ATXN2: variants seen among roughly 807,000 people sequenced by gnomAD.
ATXN2 encodes ataxin-2.
A neutral mutation model predicts 138.6 loss-of-function variants in ATXN2; 37 were observed. The observed-to-expected ratio is 0.27, with a 90% confidence interval of 0.21 to 0.35. The LOEUF is 0.35. Ranked by LOEUF, ATXN2 falls within the 10% of genes least tolerant of loss-of-function variation. ATXN2 has a pLI of 1.00. For missense variants in ATXN2, 1,216 were observed against 1,480.3 expected (o/e 0.82, Z 2.93); for synonymous variants, 549 against 543.7 (o/e 1.01, Z -0.13).
intron 1 of ATXN2, among the ~76,000 whole-genome samples, chr12:111,558,210 A>G (rs1203440496): frequency 6.6e-6 from 1 of 152,222 alleles, no homozygotes; most frequent in African/African-American, 2.4e-5. Flanking sequence ...ATATCGAAGC[A>G]GTATTCTCTG....
intron 18 of ATXN2, among the ~76,000 whole-genome samples, chr12:111,480,895 G>C (rs1315998034): frequency 6.6e-6 from 1 of 152,138 alleles, no homozygotes; most frequent in African/African-American, 2.4e-5. Context: ...CCTTGAGTTA[G>C]GCAATGCTTT....
intron 14 of ATXN2, among the ~76,000 whole-genome samples, chr12:111,490,221 A>C (rs1176815324): frequency 6.6e-6 from 1 of 152,034 alleles, no homozygotes; most frequent in Non-Finnish European, 1.5e-5. Flanking sequence ...TTAAAAAAAA[A>C]AAAAAAAAAG....
At chr12:111,497,265 C>CTGAT (rs1878478868) in intron 14 of ATXN2, among the ~76,000 whole-genome samples, 1 of 152,158 alleles carries the variant, frequency 6.6e-6, no homozygotes, top group African/African-American at 2.4e-5. Flanking sequence ...AGCCATGGAC[C>CTGAT]TGATGGCTTC....
chr12:111,594,994 A>AT (rs1282725015), intron 1 of ATXN2, among the ~76,000 whole-genome samples: 2 of 152,208 alleles, frequency 1.3e-5, no homozygotes, highest in African/African-American at 4.8e-5. Context: ...TTAAACTCAA[A>AT]TATCAATAAT....
At chr12:111,567,416 C>T (rs917451948) in intron 1 of ATXN2, among the ~76,000 whole-genome samples, 1 of 151,964 alleles carries the variant, frequency 6.6e-6, no homozygotes, top group African/African-American at 2.4e-5. Flanking sequence ...AGGAGAATCA[C>T]TTGAACCCGG....
At chr12:111,472,542 C>T (rs1401124146) in intron 18 of ATXN2, among the ~76,000 whole-genome samples, 2 of 152,078 alleles carry the variant, frequency 1.3e-5, no homozygotes, top group Non-Finnish European at 2.9e-5. Flanking sequence ...AAAAAATGTA[C>T]AAAACCTTAA....
At chr12:111,500,227 A>G (rs754757300) in intron 14 of ATXN2, among the ~76,000 whole-genome samples, 1 of 152,246 alleles carries the variant, frequency 6.6e-6, no homozygotes, top group Non-Finnish European at 1.5e-5. Flanking sequence ...CCACTGACAG[A>G]CAAATGGAGA....
chr12:111,464,581 A>G, intron 21 of ATXN2, 81 bp downstream of exon 21: 1 of 1,059,280 alleles, frequency 9.4e-7, no homozygotes, highest in Non-Finnish European at 1.4e-6. Flanking sequence ...ATATTGTTCA[A>G]CAAGTCTACT....
intron 14 of ATXN2, among the ~76,000 whole-genome samples, chr12:111,505,494 C>T (rs1476991964): frequency 2.0e-5 from 3 of 152,056 alleles, no homozygotes; most frequent in Non-Finnish European, 4.4e-5. Context: ...CTCCCACAAC[C>T]CAATAATAAA....
intron 8 of ATXN2, among the ~76,000 whole-genome samples, chr12:111,519,028 G>A (rs1229609349): frequency 6.6e-6 from 1 of 152,056 alleles, no homozygotes; most frequent in Non-Finnish European, 1.5e-5. Flanking sequence ...CACAAACGGA[G>A]TCACTGTTTT....
chr12:111,466,886 T>G (rs1335374255), intron 20 of ATXN2, among the ~76,000 whole-genome samples: 1 of 152,026 alleles, frequency 6.6e-6, no homozygotes, highest in Non-Finnish European at 1.5e-5. Flanking sequence ...TTGGTTCCTT[T>G]GAGAAAATTT....
chr12:111,492,767 C>A (rs1355739695), intron 14 of ATXN2, among the ~76,000 whole-genome samples: 2 of 151,648 alleles, frequency 1.3e-5, no homozygotes, highest in Admixed American at 1.3e-4. Flanking sequence ...TGCCCAGACA[C>A]TGATGAACAT....
chr12:111,579,889 A>G (rs1353242195), intron 1 of ATXN2, among the ~76,000 whole-genome samples: 1 of 151,256 alleles, frequency 6.6e-6, no homozygotes, highest in Non-Finnish European at 1.5e-5. Flanking sequence ...TAGTAGACAC[A>G]GGGTCTCACC....
At chr12:111,546,718 A>G (rs1352450684) in intron 5 of ATXN2, among the ~76,000 whole-genome samples, 1 of 152,224 alleles carries the variant, frequency 6.6e-6, no homozygotes, top group Non-Finnish European at 1.5e-5. Flanking sequence ...ACAAGCAGAG[A>G]TAACAGGACA....
At chr12:111,498,294 G>C (rs1162277851) in intron 14 of ATXN2, among the ~76,000 whole-genome samples, 1 of 152,110 alleles carries the variant, frequency 6.6e-6, no homozygotes, top group African/African-American at 2.4e-5. Context: ...CTTGTTTGCA[G>C]ATAATATGAT....
chr12:111,499,661 G>A (rs1878628677), intron 14 of ATXN2, among the ~76,000 whole-genome samples: 1 of 151,568 alleles, frequency 6.6e-6, no homozygotes, highest in African/African-American at 2.4e-5. Flanking sequence ...GCAACAAAGT[G>A]AGACTCTGTC....
At chr12:111,455,401 G>T in intron 23 of ATXN2, 1 of 407,150 alleles carries the variant, frequency 2.5e-6, no homozygotes, top group Non-Finnish European at 4.6e-6. Context: ...AGCTTACACT[G>T]GAGGTGAGCT....
chr12:111,517,723 T>C (rs903725196), intron 9 of ATXN2, among the ~76,000 whole-genome samples: 3 of 152,292 alleles, frequency 2.0e-5, no homozygotes. Flanking sequence ...TTGTTGTTTT[T>C]TAAGCAAATT....
At chr12:111,567,405 C>G (rs989045299) in intron 1 of ATXN2, among the ~76,000 whole-genome samples, 1 of 151,702 alleles carries the variant, frequency 6.6e-6, no homozygotes, top group African/African-American at 2.4e-5. Flanking sequence ...GAGGCTGAGG[C>G]AGGAGAATCA....
Sources: allele counts gnomAD v4.1 joint callset (sites outside exome capture counted in the v4.1 genomes callset), GRCh38; gene constraint gnomAD v4.1.1; transcripts MANE v1.5; gene names NCBI Gene and HGNC (gene_info 2026-07-23, HGNC 2026-07-21).